ZNF704: variants seen among roughly 807,000 people sequenced by gnomAD.
The protein encoded by ZNF704 is zinc finger protein 704.
In ZNF704, 10 loss-of-function variants were observed where a neutral mutation model predicts 44.7. The ratio of observed to expected loss-of-function variants is 0.22; its 90% CI spans 0.14 to 0.38. The LOEUF (loss-of-function observed/expected upper bound fraction) is 0.38. Among genes scored for constraint, ZNF704 ranks in the 10% least tolerant of loss-of-function variants. The pLI, the probability that ZNF704 is intolerant of heterozygous loss-of-function variation, is 1.00. For missense variants in ZNF704, 390 were observed against 545.5 expected (o/e 0.71, Z 2.84); for synonymous variants, 211 against 207.6 (o/e 1.02, Z -0.14).
chr8:80,796,890 GA>G (rs1563556550), intron 2 of ZNF704, among the ~76,000 whole-genome samples: 2 of 141,236 alleles, frequency 1.4e-5, no homozygotes, highest in East Asian at 4.5e-4. Flanking sequence ...GAGGGAAATG[GA>G]AAGGGAAAGA....
chr8:80,877,532 C>T (rs1013943480), upstream of ZNF704, among the ~76,000 whole-genome samples: 16 of 152,176 alleles, frequency 1.1e-4, no homozygotes, highest in Non-Finnish European at 2.1e-4. Context: ...CTGCTTCTTT[C>T]CCCCACATTC....
intron 2 of ZNF704, among the ~76,000 whole-genome samples, chr8:80,791,503 A>G (rs1173963962): frequency 6.6e-6 from 1 of 152,220 alleles, no homozygotes; most frequent in African/African-American, 2.4e-5. Flanking sequence ...GGGCATGTTT[A>G]GTGGGGAGAT....
At chr8:80,716,122 A>G (rs1819068852) in intron 2 of ZNF704, among the ~76,000 whole-genome samples, 1 of 152,112 alleles carries the variant, frequency 6.6e-6, no homozygotes, top group Admixed American at 6.5e-5. Flanking sequence ...TTAGAGATGA[A>G]CAGATGGATC....
At chr8:80,712,311 CA>C (rs1818999540) in intron 2 of ZNF704, among the ~76,000 whole-genome samples, 1 of 152,174 alleles carries the variant, frequency 6.6e-6, no homozygotes. Context: ...TCCCAGCCTC[CA>C]AAACTGTAAG....
chr8:80,865,694 A>C (rs1382897199), intron 1 of ZNF704, among the ~76,000 whole-genome samples: 1 of 152,218 alleles, frequency 6.6e-6, no homozygotes. Context: ...TGACAAGAAC[A>C]TATGTAAAGC....
intron 7 of ZNF704, among the ~76,000 whole-genome samples, chr8:80,649,369 C>T (rs942871319): frequency 3.9e-5 from 6 of 152,142 alleles, no homozygotes; most frequent in South Asian, 2.1e-4. Context: ...GATGAGGCAT[C>T]GCCTCACCCG....
chr8:80,648,007 C>G (rs189448193), intron 7 of ZNF704, among the ~76,000 whole-genome samples: 7 of 152,232 alleles, frequency 4.6e-5, no homozygotes, highest in African/African-American at 1.7e-4. Context: ...CATGTGACAA[C>G]GGCCTTCTCG....
At chr8:80,687,957 G>A (rs1310482985) in intron 3 of ZNF704, among the ~76,000 whole-genome samples, 1 of 152,118 alleles carries the variant, frequency 6.6e-6, no homozygotes, top group Non-Finnish European at 1.5e-5. Context: ...TCTTATCCTA[G>A]CATTTTGAGA....
chr8:80,807,902 T>C (rs545273650), intron 2 of ZNF704, among the ~76,000 whole-genome samples: 67 of 152,366 alleles, frequency 4.4e-4, no homozygotes, highest in African/African-American at 1.6e-3. Flanking sequence ...AGCATCTTTC[T>C]AGTTTTGAAG....
intron 1 of ZNF704, among the ~76,000 whole-genome samples, chr8:80,861,263 C>A (rs111816577): frequency 6.6e-6 from 1 of 152,146 alleles, no homozygotes; most frequent in Non-Finnish European, 1.5e-5. Context: ...TTTGATGACC[C>A]CACCACTGGA....
chr8:80,822,272 C>T (rs969177807), intron 1 of ZNF704, among the ~76,000 whole-genome samples: 21 of 139,468 alleles, frequency 1.5e-4, no homozygotes, highest in Middle Eastern at 3.4e-3. Context: ...CCTTCCCCCC[C>T]GCCCCCAACC....
chr8:80,751,885 T>G (rs958072456), intron 2 of ZNF704, among the ~76,000 whole-genome samples: 2 of 152,264 alleles, frequency 1.3e-5, no homozygotes, highest in African/African-American at 4.8e-5. Context: ...GGATTACAGG[T>G]GCCCACCACC....
chr8:80,844,380 G>A (rs1178332000), intron 1 of ZNF704, among the ~76,000 whole-genome samples: 1 of 152,138 alleles, frequency 6.6e-6, no homozygotes, highest in Admixed American at 6.6e-5. Flanking sequence ...CTCAGATGGT[G>A]GAAAGAGGGC....
chr8:80,874,837 A>G (rs903290810), upstream of ZNF704: 1 of 152,246 alleles, frequency 6.6e-6, no homozygotes, highest in Non-Finnish European at 1.5e-5. This position sits in a 1 kb window ranked among gnomAD's most constrained non-coding sequence, Gnocchi z 4.4. Context: ...AATATGAATC[A>G]TCAGAGTCGC....
intron 1 of ZNF704, among the ~76,000 whole-genome samples, chr8:80,835,266 T>C (rs1325907827): frequency 2.0e-5 from 3 of 152,212 alleles, no homozygotes; most frequent in Admixed American, 2.0e-4. Context: ...CTAAATTCAC[T>C]TGTATATTTT....
rs182086363 is a variant in ZNF704, at chr8:80,641,282, T to C, written c.*84A>G. The stretch of plus-strand genomic sequence containing the variant: ...CTGGCTTCAACTGTGTTTTATTCAG[T>C]AGGAAAAGCTCTTTCCAACACCTGC... On this transcript the variant is annotated 3_prime_UTR_variant, in exon 9 of 9. Coordinates refer to ENST00000327835, the MANE Select transcript of ZNF704 (RefSeq NM_001033723.3). 1.8e-5 allele frequency: 16 copies of C among 866,282 alleles called. No homozygotes were observed. In the African/African-American group the frequency reaches 2.0e-4, roughly 11 times the overall value. The allele number at this position is 866,282 out of a possible 1,614,324, so 53.7% of individuals were successfully genotyped here. A position where few individuals can be genotyped will look rare whatever the true frequency, so the allele number is the denominator to read the frequency against.
chr8:80,863,013 GT>G lies in ZNF704; in HGVS notation c.-22+11557del, dbSNP rs112822378. ...CACTAAGCTACAGTGTTTGTTCAGT[GT>G]TTACATAGGCTCAGTTGTCCATTTC... On this transcript the variant is annotated intron_variant, in intron 1 of 8. Transcript: ENST00000327835. Among the ~76,000 whole-genome samples the G allele has an allele frequency of 5.2e-3, 789 of 151,504 alleles. 6 individuals carry two copies. Among genetic ancestry groups the G allele is most frequent in the African/African-American group, 0.018 (745 of 41,278 alleles).
chr8:80,711,355 G>A (rs1050759203), intron 2 of ZNF704, among the ~76,000 whole-genome samples: 32 of 152,120 alleles, frequency 2.1e-4, no homozygotes, highest in Non-Finnish European at 8.8e-5. Context: ...TGGATATTGG[G>A]GTTAGTGATG....
intron 2 of ZNF704, among the ~76,000 whole-genome samples, chr8:80,733,293 G>GT: frequency 6.6e-6 from 1 of 152,126 alleles, no homozygotes; most frequent in Admixed American, 6.6e-5. Flanking sequence ...TATTTTCATT[G>GT]TTTTCTTTTC....
Sources: gnomAD v4.1 joint callset for allele counts (sites outside exome capture counted in the v4.1 genomes callset) on GRCh38, gnomAD v4.1.1 for gene constraint, Gnocchi (gnomAD v3.1) non-coding constraint, MANE v1.5 for transcripts, NCBI Gene and HGNC (gene_info 2026-07-23, HGNC 2026-07-21) for gene names.